NR3C1: variants seen among roughly 807,000 people sequenced by gnomAD.
The protein encoded by NR3C1 is nuclear receptor subfamily 3 group C member 1, also known as glucocorticoid receptor.
NR3C1 carries 14 observed loss-of-function variants against 74.0 expected under a neutral mutation model. The observed-to-expected ratio is 0.19, with a 90% confidence interval of 0.12 to 0.30. The LOEUF is 0.30. Ranked by LOEUF, NR3C1 falls within the 10% of genes least tolerant of loss-of-function variation. The pLI is 1.00. For synonymous variants in NR3C1, 308 were observed against 332.5 expected (o/e 0.93, Z 0.80); for missense variants, 695 against 909.8 (o/e 0.76, Z 3.04).
chr5:143,411,386 G>A (rs994271106), intron 1 of NR3C1, among the ~76,000 whole-genome samples: 1 of 152,202 alleles, frequency 6.6e-6, no homozygotes, highest in Non-Finnish European at 1.5e-5. Flanking sequence ...AGCAAAAGAA[G>A]TCACTTCTGT....
chr5:143,347,363 A>C (rs1210634164), intron 2 of NR3C1, among the ~76,000 whole-genome samples: 1 of 152,152 alleles, frequency 6.6e-6, no homozygotes, highest in Non-Finnish European at 1.5e-5. Flanking sequence ...AATAAAAAGA[A>C]AAACTTGCAC....
intron 2 of NR3C1, among the ~76,000 whole-genome samples, chr5:143,327,933 C>T (rs1825004566): frequency 6.6e-6 from 1 of 152,260 alleles, no homozygotes; most frequent in Non-Finnish European, 1.5e-5. Flanking sequence ...CAGAGGCCCT[C>T]TTCTCACAGC....
intron 1 of NR3C1, among the ~76,000 whole-genome samples, chr5:143,412,003 G>A (rs1269885524): frequency 6.6e-6 from 1 of 152,062 alleles, no homozygotes; most frequent in African/African-American, 2.4e-5. Context: ...GGTAAGCAAA[G>A]CAGTCATCCA....
At chr5:143,361,633 G>A (rs187802774) in intron 2 of NR3C1, among the ~76,000 whole-genome samples, 19 of 152,252 alleles carry the variant, frequency 1.2e-4, no homozygotes, top group East Asian at 9.7e-4. Context: ...GATAAAGATC[G>A]CTCTACTACT....
chr5:143,316,942 G>A (rs1247244669), intron 2 of NR3C1, among the ~76,000 whole-genome samples: 2 of 152,018 alleles, frequency 1.3e-5, no homozygotes, highest in Non-Finnish European at 2.9e-5. Flanking sequence ...AGATGACAAG[G>A]GAAAGTAAAA....
intron 6 of NR3C1, among the ~76,000 whole-genome samples, chr5:143,298,192 T>A (rs1476924540): frequency 1.3e-5 from 2 of 152,186 alleles, no homozygotes; most frequent in Non-Finnish European, 2.9e-5. Flanking sequence ...ACAAAACAAA[T>A]TTGTTCCCAT....
intron 2 of NR3C1, among the ~76,000 whole-genome samples, chr5:143,316,882 G>C (rs144365606): frequency 0.017 from 2,530 of 152,194 alleles, 28 homozygotes; most frequent in Middle Eastern, 0.054. Context: ...CAAATTCTTA[G>C]ATATTACAAT....
At chr5:143,404,584 G>C (rs933846915), upstream of NR3C1, 1 of 946,544 alleles carries the variant, frequency 1.1e-6, no homozygotes, top group Non-Finnish European at 1.2e-6. Flanking sequence ...CGCCTGCCAA[G>C]TTCAACCCCC....
rs1239987236 is a variant in NR3C1, at chr5:143,279,948, T to G, written c.*1941A>C. 1.3e-5 allele frequency: 2 copies of G among 152,742 alleles called. No individual in the cohort carries two copies. Among genetic ancestry groups the G allele is most frequent in the Non-Finnish European group, 2.9e-5 (2 of 68,304 alleles). The allele number at this position is 152,742 out of a possible 1,614,324, so 9.5% of individuals were successfully genotyped here. A position where few individuals can be genotyped will look rare whatever the true frequency, so the allele number is the denominator to read the frequency against. ...AAGGGGAGATTGAGTAAACTAAACCTGCGCTGACAGACTCACTGTTGGAAT... is the reference window on the plus strand; with the variant it reads ...AAGGGGAGATTGAGTAAACTAAACCGGCGCTGACAGACTCACTGTTGGAAT... On this transcript the variant is annotated 3_prime_UTR_variant, in exon 9 of 9. Transcript: ENST00000394464.
chr5:143,332,673 T>C, intron 2 of NR3C1: 4 of 1,585,118 alleles, frequency 2.5e-6, no homozygotes, highest in Non-Finnish European at 3.4e-6. Flanking sequence ...CCTACATGAT[T>C]CCTGGCGGCA....
chr5:143,397,494 G>A (rs1396454508), intron 2 of NR3C1, among the ~76,000 whole-genome samples: 1 of 151,904 alleles, frequency 6.6e-6, no homozygotes, highest in African/African-American at 2.4e-5. Flanking sequence ...AAGAAACACT[G>A]TTTCAATTTA....
intron 1 of NR3C1, among the ~76,000 whole-genome samples, chr5:143,424,387 A>G (rs894934677): frequency 6.6e-6 from 1 of 152,148 alleles, no homozygotes; most frequent in Non-Finnish European, 1.5e-5. Flanking sequence ...TCTAACACAA[A>G]TACATTACAA....
chr5:143,326,543 A>G (rs1824640786), intron 2 of NR3C1, among the ~76,000 whole-genome samples: 1 of 152,244 alleles, frequency 6.6e-6, no homozygotes, highest in African/African-American at 2.4e-5. Flanking sequence ...TCAAAAATAC[A>G]AAAGTATAAA....
At chr5:143,318,689 G>T (rs1445785627) in intron 2 of NR3C1, among the ~76,000 whole-genome samples, 1 of 151,988 alleles carries the variant, frequency 6.6e-6, no homozygotes, top group East Asian at 1.9e-4. Context: ...AATACCCAAG[G>T]CTGAAAACCA....
chr5:143,282,095 T>C, intron 8 of NR3C1, 54 bp from the exon 9 acceptor site: 1 of 1,597,690 alleles, frequency 6.3e-7, no homozygotes, highest in Non-Finnish European at 8.6e-7. Context: ...AGTGGGAACA[T>C]CTCATGTTTG....
At chr5:143,364,760 C>T (rs1409319813) in intron 2 of NR3C1, among the ~76,000 whole-genome samples, 1 of 151,998 alleles carries the variant, frequency 6.6e-6, no homozygotes, top group African/African-American at 2.4e-5. Context: ...GGCTGGAGTG[C>T]AGTGGTGTGA....
chr5:143,401,646 C>A (rs1840306106), intron 1 of NR3C1, among the ~76,000 whole-genome samples: 1 of 152,136 alleles, frequency 6.6e-6, no homozygotes, highest in African/African-American at 2.4e-5. Flanking sequence ...ATATAGCTGA[C>A]CCTTATCATA....
At chr5:143,324,955 C>CCTGG (rs1460985101) in intron 2 of NR3C1, among the ~76,000 whole-genome samples, 1 of 152,188 alleles carries the variant, frequency 6.6e-6, no homozygotes, top group Non-Finnish European at 1.5e-5. Flanking sequence ...ACCACCTCAG[C>CCTGG]CTGGATCTTA....
At chr5:143,432,658 G>A (rs1383610036) in intron 1 of NR3C1, among the ~76,000 whole-genome samples, 1 of 152,132 alleles carries the variant, frequency 6.6e-6, no homozygotes, top group Non-Finnish European at 1.5e-5. Flanking sequence ...TAAAGCGTAC[G>A]GTTCCCCATG....
Sources: gnomAD v4.1 joint callset for allele counts (sites outside exome capture counted in the v4.1 genomes callset) on GRCh38, gnomAD v4.1.1 for gene constraint, MANE v1.5 for transcripts, NCBI Gene and HGNC (gene_info 2026-07-23, HGNC 2026-07-21) for gene names.